ZNF423: variants seen among roughly 807,000 people sequenced by gnomAD.
ZNF423 encodes Ebf-associated zinc finger protein.
In ZNF423, 12 loss-of-function variants were observed where a neutral mutation model predicts 95.8. The observed-to-expected ratio is 0.13, with a 90% CI of 0.08 to 0.20. The LOEUF is 0.20. Among genes scored for constraint, ZNF423 ranks in the 10% least tolerant of loss-of-function variants. The pLI is 1.00. For missense variants in ZNF423, 1,316 were observed against 1,737.1 expected, an observed-to-expected ratio of 0.76 and a Z score of 4.31; for synonymous variants, 749 against 711.9, an observed-to-expected ratio of 1.05 and a Z score of -0.83.
chr16:49,616,969 A>G (rs1971896819), intron 5 of ZNF423, among the ~76,000 whole-genome samples: 1 of 152,200 alleles, frequency 6.6e-6, no homozygotes. Context: ...ATACATTTTA[A>G]TTTATTTAAT....
At chr16:49,555,788 T>C (rs1969802904) in intron 5 of ZNF423, among the ~76,000 whole-genome samples, 1 of 152,062 alleles carries the variant, frequency 6.6e-6, no homozygotes, top group African/African-American at 2.4e-5. Flanking sequence ...GGTGCATGGA[T>C]GGATGGACAG....
At chr16:49,618,981 A>G (rs1971969572) in intron 5 of ZNF423, among the ~76,000 whole-genome samples, 1 of 152,106 alleles carries the variant, frequency 6.6e-6, no homozygotes, top group South Asian at 2.1e-4. Flanking sequence ...CTCCTGCCTC[A>G]AAGTTTGTTC....
chr16:49,777,417 G>A (rs868357282), intron 2 of ZNF423, among the ~76,000 whole-genome samples: 2 of 151,982 alleles, frequency 1.3e-5, no homozygotes, highest in South Asian at 4.2e-4. Flanking sequence ...TCCTTGTGTT[G>A]GTGTGCATGT....
At chr16:49,757,673 A>G (rs2033752217) in intron 2 of ZNF423, among the ~76,000 whole-genome samples, 1 of 152,184 alleles carries the variant, frequency 6.6e-6, no homozygotes, top group South Asian at 2.1e-4. Context: ...TGGGGTGAGG[A>G]GCCCGGCTCA....
intron 3 of ZNF423, among the ~76,000 whole-genome samples, chr16:49,727,343 G>C (rs2033048916): frequency 6.6e-6 from 1 of 152,128 alleles, no homozygotes; most frequent in African/African-American, 2.4e-5. Flanking sequence ...TGGGGACGGG[G>C]GGGTCTTCCA....
At chr16:49,561,968 C>A (rs772695516) in intron 5 of ZNF423, among the ~76,000 whole-genome samples, 5 of 152,146 alleles carry the variant, frequency 3.3e-5, no homozygotes, top group Non-Finnish European at 7.4e-5. Context: ...TTACAATAAC[C>A]AGTTTATCAG....
chr16:49,534,248 GTTT>G (rs11322462), intron 5 of ZNF423, among the ~76,000 whole-genome samples: 3 of 142,740 alleles, frequency 2.1e-5, no homozygotes, highest in Non-Finnish European at 4.6e-5. Context: ...CTTTTTTTTT[GTTT>G]TTTTTTTTTT....
intron 3 of ZNF423, among the ~76,000 whole-genome samples, chr16:49,716,189 C>G (rs1596909024): frequency 6.6e-6 from 1 of 152,070 alleles, no homozygotes; most frequent in Non-Finnish European, 1.5e-5. Flanking sequence ...TTGCCCCTCC[C>G]AAGTCTCCCT....
At chr16:49,851,008 C>CA (rs2035296326) in intron 1 of ZNF423, among the ~76,000 whole-genome samples, 2 of 152,214 alleles carry the variant, frequency 1.3e-5, no homozygotes, top group African/African-American at 4.8e-5. Flanking sequence ...GTCGGGAACT[C>CA]AGAGCCGAAA....
rs541701061 is a variant in ZNF423 at position 49,849,671 on chromosome 16, G to A, written c.40+6064C>T. ...GAGGGGGGTGAGGCAAGAGGGAGGG[G>A]AGGTAAACAGAGGGAGGCAGGTTAA... On this transcript the variant is annotated intron_variant, in intron 1 of 7. Transcript: ENST00000563137. Among the ~76,000 whole-genome samples, 12 of 152,224 alleles carry A rather than the reference G, an allele frequency of 7.9e-5. No homozygotes were observed. The East Asian group carries it at 2.3e-3, about 29-fold the overall frequency.
intron 3 of ZNF423, among the ~76,000 whole-genome samples, chr16:49,662,982 T>C (rs1258692634): frequency 6.6e-6 from 1 of 152,160 alleles, no homozygotes; most frequent in African/African-American, 2.4e-5. Context: ...CACTGTATGA[T>C]CTGACTCTGG....
intron 1 of ZNF423, among the ~76,000 whole-genome samples, chr16:49,796,699 G>A (rs1239158842): frequency 6.6e-6 from 1 of 152,172 alleles, no homozygotes; most frequent in African/African-American, 2.4e-5. Context: ...GCCTCTAGTA[G>A]GGCCAGGGAA....
At chr16:49,677,282 A>AAGGGAAGGGAAGGGAAGGGAAGG in intron 3 of ZNF423, among the ~76,000 whole-genome samples, 8 of 81,578 alleles carry the variant, frequency 9.8e-5, no homozygotes, top group Non-Finnish European at 2.0e-4. Flanking sequence ...AGAAGAGAAG[A>AAGGGAAGGGAAGGGAAGGGAAGG]GAAGAGAAGA....
At chr16:49,567,900 C>A (rs938957925) in intron 5 of ZNF423, among the ~76,000 whole-genome samples, 3 of 152,198 alleles carry the variant, frequency 2.0e-5, no homozygotes, top group African/African-American at 7.2e-5. Flanking sequence ...CCGGCCTATA[C>A]TCCTCCGGAA....
intron 2 of ZNF423, among the ~76,000 whole-genome samples, chr16:49,735,937 A>T: frequency 6.6e-6 from 1 of 152,326 alleles, no homozygotes; most frequent in South Asian, 2.1e-4. Context: ...TTATTGCTTC[A>T]GGCCATTACA....
intron 1 of ZNF423, among the ~76,000 whole-genome samples, chr16:49,799,587 C>T (rs982648982): frequency 1.3e-5 from 2 of 152,114 alleles, no homozygotes; most frequent in African/African-American, 4.8e-5. Flanking sequence ...CCTCCTATTC[C>T]CCATGATCAC....
chr16:49,705,171 G>T (rs540496696), intron 3 of ZNF423, among the ~76,000 whole-genome samples: 2 of 152,328 alleles, frequency 1.3e-5, no homozygotes. Flanking sequence ...TCAGGAGACA[G>T]ATGTGAATGC....
Position 49,855,165 on chromosome 16 carries a change from C to T in ZNF423, c.40+570G>A, listed in dbSNP as rs547595637. On this transcript the variant is annotated intron_variant, in intron 1 of 7. Transcript: ENST00000563137. This position sits in a 1 kb window ranked among gnomAD's most constrained non-coding sequence, Gnocchi z 4.7. Reference sequence around the variant, plus strand: ...GGGAGGGGGCGCCAGGCGGCCGGGGCGAGGGCGCGGCGCCCGGGGCGCTCG... The same window carrying T: ...GGGAGGGGGCGCCAGGCGGCCGGGGTGAGGGCGCGGCGCCCGGGGCGCTCG... Among the ~76,000 whole-genome samples the T allele has an allele frequency of 6.7e-6, 1 of 149,742 alleles. No individual in the cohort carries two copies. Among genetic ancestry groups the T allele is most frequent in the African/African-American group, 2.4e-5 (1 of 40,936 alleles).
intron 3 of ZNF423, among the ~76,000 whole-genome samples, chr16:49,715,116 A>G (rs1178443775): frequency 6.6e-6 from 1 of 152,236 alleles, no homozygotes; most frequent in Non-Finnish European, 1.5e-5. Flanking sequence ...GTCTGCCACA[A>G]GGCCAGAGAC....
Sources: gnomAD v4.1 joint callset for allele counts (sites outside exome capture counted in the v4.1 genomes callset) on GRCh38, gnomAD v4.1.1 for gene constraint, Gnocchi (gnomAD v3.1) non-coding constraint, MANE v1.5 for transcripts, NCBI Gene and HGNC (gene_info 2026-07-23, HGNC 2026-07-21) for gene names.